Variants in MAP3K15 observed in about 807,000 individuals in gnomAD.
The protein encoded by MAP3K15 is mitogen-activated protein kinase kinase kinase 15.
A neutral mutation model predicts 99.5 loss-of-function variants in MAP3K15; 124 were observed. The ratio of observed to expected loss-of-function variants is 1.25; its 90% confidence interval spans 1.08 to 1.45. MAP3K15 has a LOEUF of 1.45. Among genes scored for constraint, MAP3K15 ranks in the 40% most tolerant of loss-of-function variants. The pLI, the probability that MAP3K15 is intolerant of heterozygous loss-of-function variation, is 0.00. For synonymous variants in MAP3K15, 494 were observed against 439.6 expected, an observed-to-expected ratio of 1.12 and a Z score of -1.55; for missense variants, 1,242 against 1,079.7, an observed-to-expected ratio of 1.15 and a Z score of -2.11.
chrX:19,483,808 C>T (rs1395137379), intron 3 of MAP3K15, among the ~76,000 whole-genome samples: 1 of 111,684 alleles, frequency 9.0e-6, no homozygotes. Context: ...TCTGCTGATC[C>T]AAACCATTTT....
At chrX:19,465,959 TTTTTC>T (rs1312643224) in intron 3 of MAP3K15, among the ~76,000 whole-genome samples, 2 of 108,221 alleles carry the variant, frequency 1.8e-5, no homozygotes, top group Non-Finnish European at 3.8e-5. Context: ...CTGTGGCACT[TTTTTC>T]TTTTTTTGAG....
At chrX:19,442,910 G>C (rs2063969599) in intron 6 of MAP3K15, among the ~76,000 whole-genome samples, 1 of 104,208 alleles carries the variant, frequency 9.6e-6, no homozygotes, top group Non-Finnish European at 2.0e-5. Context: ...TTTTAGTAGA[G>C]ACGGGGTTTC....
At chrX:19,397,819 T>G (rs2063577534) in intron 15 of MAP3K15, among the ~76,000 whole-genome samples, 1 of 111,441 alleles carries the variant, frequency 9.0e-6, no homozygotes, top group South Asian at 3.7e-4. Context: ...GGCTCATGCC[T>G]GTAATCCCAG....
intron 9 of MAP3K15, among the ~76,000 whole-genome samples, chrX:19,424,317 T>C (rs12393706): frequency 1.1e-4 from 12 of 104,825 alleles, no homozygotes; most frequent in Admixed American, 1.1e-3. Flanking sequence ...CACATATATA[T>C]ACATATATAT....
At chrX:19,421,270 A>T (rs1301380714) in intron 9 of MAP3K15, among the ~76,000 whole-genome samples, 2 of 111,506 alleles carry the variant, frequency 1.8e-5, no homozygotes, top group African/African-American at 6.5e-5. Context: ...ACATGATTGG[A>T]TATCTAGAAA....
intron 10 of MAP3K15, 134 bp downstream of exon 10, chrX:19,414,973 A>T (rs914127938): frequency 1.8e-6 from 1 of 558,555 alleles, no homozygotes; most frequent in Non-Finnish European, 2.7e-6. Context: ...CTGATTTCAC[A>T]TAAGATTGAT....
chrX:19,464,163 G>C, intron 4 of MAP3K15, 50 bp downstream of exon 4: 2 of 1,038,348 alleles, frequency 1.9e-6, no homozygotes, highest in South Asian at 4.2e-5. Context: ...GAAAGAAATG[G>C]GGACATCTTG....
chrX:19,510,796 C>T (rs954123726), intron 1 of MAP3K15, among the ~76,000 whole-genome samples: 1 of 111,897 alleles, frequency 8.9e-6, no homozygotes, highest in African/African-American at 3.2e-5. Context: ...GAAAACCCCA[C>T]GGTCTCAGCC....
chrX:19,457,637 A>G (rs957728954), intron 5 of MAP3K15, among the ~76,000 whole-genome samples: 13 of 112,124 alleles, frequency 1.2e-4, no homozygotes, highest in African/African-American at 3.2e-4. Context: ...CAAAATAAAA[A>G]AACAGTATCA....
intron 3 of MAP3K15, among the ~76,000 whole-genome samples, chrX:19,481,431 A>G (rs1388023480): frequency 1.8e-5 from 2 of 111,479 alleles, no homozygotes; most frequent in African/African-American, 3.3e-5. Flanking sequence ...TAAAACTTCT[A>G]AAAGAAAACA....
At chrX:19,409,858 A>G in intron 12 of MAP3K15, 66 bp downstream of exon 12, 3 of 872,742 alleles carry the variant, frequency 3.4e-6, no homozygotes, top group South Asian at 4.3e-5. Context: ...TGGAAACATT[A>G]AAGTGCATAA....
intron 6 of MAP3K15, among the ~76,000 whole-genome samples, chrX:19,445,973 T>C (rs1198186226): frequency 7.3e-5 from 8 of 109,149 alleles, no homozygotes; most frequent in African/African-American, 2.7e-4. Flanking sequence ...AATAAATAAA[T>C]AAATAAATAA....
chrX:19,378,614 C>T lies in MAP3K15; in HGVS notation c.2589+1506G>A, dbSNP rs759751495. Among the ~76,000 whole-genome samples, 8 of 111,495 alleles carry T rather than the reference C, an allele frequency of 7.2e-5. No homozygotes were observed. The East Asian group carries it at 1.4e-3, about 20-fold the overall frequency. On this transcript the variant is annotated intron_variant, in intron 19 of 28. Coordinates refer to ENST00000338883, the MANE Select transcript of MAP3K15 (RefSeq NM_001001671.4). ...TCCCCACCGGGTCCCTCCCACAACA[C>T]GTGGGGATTATGGGAACTACAATTC...
intron 18 of MAP3K15, among the ~76,000 whole-genome samples, chrX:19,387,250 G>C (rs1238461123): frequency 8.9e-6 from 1 of 111,820 alleles, no homozygotes; most frequent in Non-Finnish European, 1.9e-5. Flanking sequence ...TCCAGCAGCA[G>C]ACAGGGGGCT....
In MAP3K15 at chrX:19,413,466, T is replaced by G; in HGVS notation, c.1591-2A>C. ...TTTGGTTGGCTCTATGACCAGAACC[T>G]GAAACAAGAACAGATGCCTGTTAAC... is the stretch of plus-strand genomic sequence containing the variant. On this transcript the variant is annotated splice_acceptor_variant, in intron 10 of 28. Coordinates refer to ENST00000338883, the MANE Select transcript of MAP3K15 (RefSeq NM_001001671.4). LOFTEE classifies it high-confidence loss of function. The G allele has an allele frequency of 8.5e-7, 1 of 1,180,008 alleles. No individual in the cohort carries two copies. The highest frequency in any genetic ancestry group is 1.1e-6 in the Non-Finnish European group (1 of 870,819).
chrX:19,384,749 G>A (rs10217908), intron 18 of MAP3K15, among the ~76,000 whole-genome samples: 2,378 of 22,270 alleles, frequency 0.11, 142 homozygotes, highest in African/African-American at 0.27. Context: ...TGTCTCAGGG[G>A]AAAAAAAAAA....
chrX:19,382,126 G>T (rs760385732), intron 18 of MAP3K15, among the ~76,000 whole-genome samples: 1 of 109,351 alleles, frequency 9.1e-6, no homozygotes, highest in Non-Finnish European at 1.9e-5. Context: ...GGTGGTGGGT[G>T]CCTGTAATCC....
chrX:19,395,367 A>G (rs1317081318), intron 15 of MAP3K15, among the ~76,000 whole-genome samples, 159 bp from the exon 16 acceptor site: 1 of 111,694 alleles, frequency 9.0e-6, no homozygotes, highest in Non-Finnish European at 1.9e-5. Flanking sequence ...CCATCTGTAC[A>G]ATAGAGGATA....
At chrX:19,361,938 T>C (rs745513246) in intron 26 of MAP3K15, among the ~76,000 whole-genome samples, 35 of 112,162 alleles carry the variant, frequency 3.1e-4, no homozygotes, top group Non-Finnish European at 5.4e-4. Flanking sequence ...AGTGTTGAGG[T>C]CAGAGCTTAT....
Sources: gnomAD v4.1 joint callset for allele counts (sites outside exome capture counted in the v4.1 genomes callset) on GRCh38, gnomAD v4.1.1 for gene constraint, MANE v1.5 for transcripts, NCBI Gene and HGNC (gene_info 2026-07-23, HGNC 2026-07-21) for gene names.